The following USP40 variants were observed in gnomAD, a reference collection of about 807,000 sequenced individuals.
USP40 encodes ubiquitin specific peptidase 40, also known as ubiquitin carboxyl-terminal hydrolase 40.
USP40 carries 143 observed loss-of-function variants against 166.2 expected under a neutral mutation model. The observed-to-expected ratio is 0.86, with a 90% CI of 0.75 to 0.99. The LOEUF (loss-of-function observed/expected upper bound fraction) is 0.99. Among genes scored for constraint, USP40 ranks in the 50% least tolerant of loss-of-function variants. The probability of loss-of-function intolerance (pLI) is 0.00; values close to 1 mark genes in which losing one functional copy is unlikely to be tolerated. For missense variants in USP40, 1,444 were observed against 1,479.7 expected, an observed-to-expected ratio of 0.98 and a Z score of 0.40; for synonymous variants, 498 against 524.0, an observed-to-expected ratio of 0.95 and a Z score of 0.68.
intron 5 of USP40, among the ~76,000 whole-genome samples, chr2:233,556,245 T>C (rs1237038424): frequency 3.3e-5 from 5 of 152,022 alleles, no homozygotes; most frequent in Non-Finnish European, 7.4e-5. Flanking sequence ...CTATATAAGA[T>C]TTGTAGGGCA....
In USP40 at chr2:233,493,661, T is replaced by C; in HGVS notation, c.2791-110A>G. On this transcript the variant is annotated intron_variant, in intron 24 of 31. Coordinates refer to ENST00000678225, the MANE Select transcript of USP40 (RefSeq NM_001365479.2). This position sits in a 1 kb window ranked among gnomAD's most constrained non-coding sequence, Gnocchi z 4.7. The stretch of plus-strand genomic sequence containing the variant: ...ATGACCTAAGATGTTCTTGAACTTA[T>C]CATTTTTCCTTTTAGATTTATTAAC... 2 of 1,229,172 alleles carry C rather than the reference T, an allele frequency of 1.6e-6. No individual in the cohort carries two copies. Among genetic ancestry groups the C allele is most frequent in the Non-Finnish European group, 2.2e-6 (2 of 923,246 alleles). 76.1% of individuals were successfully genotyped at this position (1,229,172 alleles called of 1,614,324 possible). A position where few individuals can be genotyped will look rare whatever the true frequency, so the allele number is the denominator to read the frequency against.
intron 31 of USP40, among the ~76,000 whole-genome samples, chr2:233,479,465 A>C (rs1366039369): frequency 6.6e-6 from 1 of 151,720 alleles, no homozygotes; most frequent in Non-Finnish European, 1.5e-5. Context: ...TGGGAGACTG[A>C]GGCAGGAGAA....
At chr2:233,494,956 T>TTATATATATATATATATATATTTATATA (rs2065628385) in intron 24 of USP40, among the ~76,000 whole-genome samples, 2 of 35,498 alleles carry the variant, frequency 5.6e-5, no homozygotes, top group Admixed American at 4.1e-4. Context: ...ATATATATAT[T>TTATATATATATATATATATATTTATATA]TATATATATA....
chr2:233,485,753 C>G lies in USP40; in HGVS notation c.3408+14G>C, dbSNP rs757360045. On this transcript the variant is annotated intron_variant, in intron 29 of 31. Transcript: ENST00000678225. ...GTAAGCCCCAATTTCTCTGAGACAGCCCCACAACTTTACCCAGCTAGATAT... is the reference window on the plus strand; with the variant it reads ...GTAAGCCCCAATTTCTCTGAGACAGGCCCACAACTTTACCCAGCTAGATAT... The G allele has an allele frequency of 2.5e-6, 4 of 1,612,196 alleles. No individual in the cohort carries two copies. The highest frequency in any genetic ancestry group is 3.4e-6 in the Non-Finnish European group (4 of 1,179,082).
intron 24 of USP40, among the ~76,000 whole-genome samples, chr2:233,494,989 T>A (rs374465920): frequency 0.24 from 27,279 of 114,454 alleles, 3,572 homozygotes; most frequent in African/African-American, 0.27. Context: ...TACACACACA[T>A]AAAAAATAAA....
At chr2:233,512,493 G>T in intron 19 of USP40, 76 bp downstream of exon 19, 1 of 914,538 alleles carries the variant, frequency 1.1e-6, no homozygotes, top group South Asian at 2.2e-5. Flanking sequence ...TTAAATATTA[G>T]GTATTGGAGG....
chr2:233,554,055 A>C (rs1478765372), intron 6 of USP40, among the ~76,000 whole-genome samples: 1 of 152,236 alleles, frequency 6.6e-6, no homozygotes, highest in Non-Finnish European at 1.5e-5. Context: ...TAGTAAAGAA[A>C]GCAAAGCTCA....
chr2:233,508,111 T>A (rs1173128404), intron 21 of USP40, among the ~76,000 whole-genome samples: 2 of 152,202 alleles, frequency 1.3e-5, no homozygotes, highest in Non-Finnish European at 2.9e-5. Context: ...TTGAAGCAAA[T>A]GCCAGATATA....
At chr2:233,561,083 A>G (rs1017801626) in intron 3 of USP40, 2 of 1,437,346 alleles carry the variant, frequency 1.4e-6, no homozygotes, top group African/African-American at 2.8e-5. Context: ...TGCTTTGTGA[A>G]CAAGCCACTT....
At chr2:233,484,596 C>T (rs905538193) in intron 30 of USP40, among the ~76,000 whole-genome samples, 23 of 151,998 alleles carry the variant, frequency 1.5e-4, no homozygotes, top group Non-Finnish European at 1.2e-4. Context: ...ATCCTCCTAC[C>T]TCAGCCTCCT....
At chr2:233,521,265 GTTAGGCAGTAGTCT>G (rs1382151759) in intron 16 of USP40, among the ~76,000 whole-genome samples, 151 bp from the exon 17 acceptor site, 5 of 152,218 alleles carry the variant, frequency 3.3e-5, no homozygotes, top group African/African-American at 1.2e-4. Context: ...GCAGGGTAAT[GTTAGGCAGTAGTCT>G]ATAGAGTCTA....
At chr2:233,518,821 T>C (rs755721204) in intron 18 of USP40, among the ~76,000 whole-genome samples, 2 of 152,174 alleles carry the variant, frequency 1.3e-5, no homozygotes, top group Non-Finnish European at 2.9e-5. Context: ...AGTGGCATTA[T>C]TCATAAAAGC....
chr2:233,499,741 G>A, intron 22 of USP40, 138 bp downstream of exon 22: 1 of 637,164 alleles, frequency 1.6e-6, no homozygotes, highest in Non-Finnish European at 2.7e-6. Context: ...AATTCATTAT[G>A]TACATATGGA....
chr2:233,556,760 A>C, intron 5 of USP40, 95 bp downstream of exon 5: 1 of 1,179,874 alleles, frequency 8.5e-7, no homozygotes, highest in Non-Finnish European at 1.1e-6. Flanking sequence ...TTAGTAATAA[A>C]CACTTTAATC....
At chr2:233,505,256 A>G (rs1344213561) in intron 21 of USP40, among the ~76,000 whole-genome samples, 1 of 152,114 alleles carries the variant, frequency 6.6e-6, no homozygotes, top group Non-Finnish European at 1.5e-5. Context: ...GATTTCTACT[A>G]AACAACCTAA....
At chr2:233,532,225 G>T (rs1403034120) in intron 11 of USP40, among the ~76,000 whole-genome samples, 1 of 152,206 alleles carries the variant, frequency 6.6e-6, no homozygotes, top group Non-Finnish European at 1.5e-5. Context: ...GCCTCTGAAT[G>T]GGTGTTGCCT....
chr2:233,494,975 TATATAC>T (rs2065651896), intron 24 of USP40, among the ~76,000 whole-genome samples: 1 of 74,532 alleles, frequency 1.3e-5, no homozygotes, highest in African/African-American at 7.2e-5. Context: ...TATATATATA[TATATAC>T]ACACACATAA....
intron 16 of USP40, among the ~76,000 whole-genome samples, chr2:233,522,285 G>C (rs78885299): frequency 2.6e-5 from 4 of 152,052 alleles, no homozygotes; most frequent in Admixed American, 2.6e-4. Flanking sequence ...TACTGTTTTG[G>C]GTCCCTTCTG....
At chr2:233,561,017 A>G (rs2071544719) in intron 3 of USP40, 7 of 1,009,534 alleles carry the variant, frequency 6.9e-6, no homozygotes, top group Non-Finnish European at 1.1e-5. Context: ...CCCATAGGGT[A>G]TAGGCCAAGT....
Sources: gnomAD v4.1 joint callset for allele counts (sites outside exome capture counted in the v4.1 genomes callset) on GRCh38, gnomAD v4.1.1 for gene constraint, Gnocchi (gnomAD v3.1) non-coding constraint, MANE v1.5 for transcripts, NCBI Gene and HGNC (gene_info 2026-07-23, HGNC 2026-07-21) for gene names.